Variants in LSAMP observed in about 807,000 individuals in gnomAD.
LSAMP encodes the protein limbic system-associated membrane protein.
A neutral mutation model predicts 38.6 loss-of-function variants in LSAMP; 7 were observed. The observed-to-expected ratio is 0.18, with a 90% CI of 0.10 to 0.34. The LOEUF is 0.34. Ranked by LOEUF, LSAMP falls within the 10% of genes least tolerant of loss-of-function variation. The pLI is 1.00. For synonymous variants in LSAMP, 154 were observed against 166.8 expected (o/e 0.92, Z 0.59); for missense variants, 313 against 420.0 (o/e 0.75, Z 2.23).
At chr3:116,135,032 A>G (rs190119663) in intron 1 of LSAMP, among the ~76,000 whole-genome samples, 1 of 152,232 alleles carries the variant, frequency 6.6e-6, no homozygotes, top group East Asian at 1.9e-4. Flanking sequence ...AACATACATC[A>G]CTAAAACGAA....
At chr3:116,270,102 G>GTTAT (rs1553719458) in intron 1 of LSAMP, among the ~76,000 whole-genome samples, 3 of 152,078 alleles carry the variant, frequency 2.0e-5, no homozygotes, top group African/African-American at 7.2e-5. Context: ...AAAATAAAAT[G>GTTAT]TTATTTTCTT....
chr3:116,384,186 C>A (rs1252828078), intron 1 of LSAMP, among the ~76,000 whole-genome samples: 1 of 152,084 alleles, frequency 6.6e-6, no homozygotes, highest in Non-Finnish European at 1.5e-5. Context: ...GAAAAAAATA[C>A]CACACCAGTA....
chr3:116,110,424 C>A (rs530499632), intron 1 of LSAMP, among the ~76,000 whole-genome samples: 1 of 152,202 alleles, frequency 6.6e-6, no homozygotes. Flanking sequence ...ATCAGAGAGG[C>A]TTCCCTGCAT....
intron 1 of LSAMP, among the ~76,000 whole-genome samples, chr3:116,390,127 ATG>A (rs1491313789): frequency 0.03 from 4,063 of 136,258 alleles, 83 homozygotes; most frequent in South Asian, 0.08. Context: ...ATATGTATGT[ATG>A]TATACACACA....
intron 1 of LSAMP, among the ~76,000 whole-genome samples, chr3:116,217,327 T>A (rs1240774665): frequency 2.0e-5 from 3 of 152,166 alleles, no homozygotes; most frequent in Non-Finnish European, 4.4e-5. Context: ...GAAGACACAT[T>A]CACGTTATAG....
chr3:116,090,670 AAG>A (rs74929195), intron 1 of LSAMP, among the ~76,000 whole-genome samples: 1 of 152,186 alleles, frequency 6.6e-6, no homozygotes, highest in African/African-American at 2.4e-5. Context: ...CAGAGTACAA[AAG>A]AGAGAAATTT....
At chr3:116,385,490 C>A (rs1040785561) in intron 1 of LSAMP, among the ~76,000 whole-genome samples, 1 of 152,138 alleles carries the variant, frequency 6.6e-6, no homozygotes, top group Non-Finnish European at 1.5e-5. Context: ...TCACAAGGGC[C>A]AAGTTGAATC....
chr3:115,891,040 A>C (rs1936585896), intron 3 of LSAMP, among the ~76,000 whole-genome samples: 1 of 151,962 alleles, frequency 6.6e-6, no homozygotes, highest in Non-Finnish European at 1.5e-5. Flanking sequence ...CACAAATTGT[A>C]CTATACTTCT....
chr3:116,289,278 CATTTT>C (rs2047232073), intron 1 of LSAMP, among the ~76,000 whole-genome samples: 1 of 152,166 alleles, frequency 6.6e-6, no homozygotes, highest in Non-Finnish European at 1.5e-5. Flanking sequence ...AACTGCTACA[CATTTT>C]ATTTTATTTT....
At chr3:116,247,174 G>A (rs969933306) in intron 1 of LSAMP, among the ~76,000 whole-genome samples, 1 of 152,162 alleles carries the variant, frequency 6.6e-6, no homozygotes, top group Non-Finnish European at 1.5e-5. Context: ...GTGAAAGTTG[G>A]GAGAATTGTA....
In LSAMP at chr3:115,805,796, C is replaced by A. The variant is rs967616731; in HGVS notation, c.*4521G>T. 1.3e-5 allele frequency: 2 copies of A among 152,126 alleles called. No homozygotes were observed. The highest frequency in any genetic ancestry group is 4.8e-5 in the African/African-American group (2 of 41,424). 9.4% of individuals were successfully genotyped at this position (152,126 alleles called of 1,614,324 possible). ...GCTAGTATGCACATAAATGTAAACT[C>A]CATTTTGCATTTAGTGAGATGTTTA... is the stretch of plus-strand genomic sequence containing the variant. On this transcript the variant is annotated 3_prime_UTR_variant, in exon 7 of 7. Transcript: ENST00000490035.
chr3:116,088,108 G>A (rs1313130128), intron 1 of LSAMP, among the ~76,000 whole-genome samples: 1 of 151,944 alleles, frequency 6.6e-6, no homozygotes, highest in East Asian at 1.9e-4. Context: ...GTCCAGGCTA[G>A]CCTCAAGTGA....
At chr3:115,952,813 T>A (rs1383966868) in intron 3 of LSAMP, among the ~76,000 whole-genome samples, 1 of 152,152 alleles carries the variant, frequency 6.6e-6, no homozygotes, top group Non-Finnish European at 1.5e-5. Flanking sequence ...GATAAAGTGA[T>A]GTCAAAATAT....
At chr3:116,033,548 C>T (rs192859563) in intron 2 of LSAMP, among the ~76,000 whole-genome samples, 7 of 152,264 alleles carry the variant, frequency 4.6e-5, no homozygotes, top group East Asian at 1.9e-4. Flanking sequence ...CACATAAACA[C>T]GCACAACACC....
intron 1 of LSAMP, among the ~76,000 whole-genome samples, chr3:116,265,605 G>A (rs149489251): frequency 4.6e-5 from 7 of 152,188 alleles, no homozygotes; most frequent in Non-Finnish European, 1.0e-4. Context: ...TTTCCCCAAC[G>A]CCTTGTCTCA....
At chr3:115,997,712 G>GTATATA (rs1939853980) in intron 3 of LSAMP, among the ~76,000 whole-genome samples, 1 of 49,994 alleles carries the variant, frequency 2.0e-5, no homozygotes, top group Admixed American at 2.5e-4. Flanking sequence ...TGACATTTTG[G>GTATATA]GATATATATA....
At chr3:116,150,193 A>G (rs115961834) in intron 1 of LSAMP, among the ~76,000 whole-genome samples, 1,831 of 152,152 alleles carry the variant, frequency 0.012, 19 homozygotes, top group Non-Finnish European at 0.019. Flanking sequence ...GCCTGAGTTT[A>G]ATCATCACTT....
intron 1 of LSAMP, among the ~76,000 whole-genome samples, chr3:116,109,842 G>A (rs1207889541): frequency 6.6e-6 from 1 of 151,606 alleles, no homozygotes; most frequent in African/African-American, 2.4e-5. Flanking sequence ...GGGGTTCGGG[G>A]GTTCTTACCC....
At chr3:116,177,542 A>G (rs996303122) in intron 1 of LSAMP, among the ~76,000 whole-genome samples, 8 of 152,214 alleles carry the variant, frequency 5.3e-5, no homozygotes, top group African/African-American at 1.9e-4. Context: ...GTGAAATGCC[A>G]CATGTGAATA....
Sources: gnomAD v4.1 joint callset for allele counts (sites outside exome capture counted in the v4.1 genomes callset) on GRCh38, gnomAD v4.1.1 for gene constraint, MANE v1.5 for transcripts, NCBI Gene and HGNC (gene_info 2026-07-23, HGNC 2026-07-21) for gene names.